The following ZHX2 variants were observed in gnomAD, a reference collection of about 807,000 sequenced individuals.
ZHX2 encodes zinc fingers and homeoboxes protein 2.
ZHX2 carries 6 observed loss-of-function variants against 21.9 expected under a neutral mutation model. The ratio of observed to expected loss-of-function variants is 0.27; its 90% CI spans 0.15 to 0.54. ZHX2 has a LOEUF of 0.54. Ranked by LOEUF, ZHX2 falls within the 20% of genes least tolerant of loss-of-function variation. The pLI, the probability that ZHX2 is intolerant of heterozygous loss-of-function variation, is 0.95. For synonymous variants in ZHX2, 434 were observed against 437.1 expected (o/e 0.99, Z 0.09); for missense variants, 908 against 1,090.7 (o/e 0.83, Z 2.36).
chr8:122,945,290 G>A (rs894379195), intron 2 of ZHX2, among the ~76,000 whole-genome samples: 4 of 152,034 alleles, frequency 2.6e-5, no homozygotes, highest in Non-Finnish European at 4.4e-5. Context: ...GTCTAATTGA[G>A]TTGCATTCCA....
At chr8:122,853,904 CATCT>C (rs1818965148) in intron 1 of ZHX2, among the ~76,000 whole-genome samples, 1 of 152,192 alleles carries the variant, frequency 6.6e-6, no homozygotes, top group Non-Finnish European at 1.5e-5. Context: ...CACCTAAGGG[CATCT>C]GATGACTCTT....
chr8:122,870,350 CCA>C (rs1819400759), intron 2 of ZHX2, among the ~76,000 whole-genome samples: 1 of 151,872 alleles, frequency 6.6e-6, no homozygotes, highest in Non-Finnish European at 1.5e-5. Flanking sequence ...TGAGCTGGTG[CCA>C]GGCACGGTAG....
chr8:122,906,594 C>T (rs185061951), intron 2 of ZHX2, among the ~76,000 whole-genome samples: 1 of 149,900 alleles, frequency 6.7e-6, no homozygotes, highest in Admixed American at 6.7e-5. Flanking sequence ...GCAGTTACTT[C>T]TGGGGATTGG....
intron 2 of ZHX2, among the ~76,000 whole-genome samples, chr8:122,880,034 G>A (rs899698523): frequency 6.8e-6 from 1 of 146,644 alleles, no homozygotes; most frequent in Non-Finnish European, 1.5e-5. Context: ...GTACAGTGGT[G>A]CAATCTCAGC....
At chr8:122,806,642 G>A (rs1563736800) in intron 1 of ZHX2, among the ~76,000 whole-genome samples, 1 of 152,198 alleles carries the variant, frequency 6.6e-6, no homozygotes. Flanking sequence ...CTGAAAGTCC[G>A]ACCTCCCCTA....
intron 1 of ZHX2, among the ~76,000 whole-genome samples, chr8:122,797,867 G>A (rs1369974492): frequency 1.3e-5 from 2 of 152,180 alleles, no homozygotes; most frequent in African/African-American, 2.4e-5. Flanking sequence ...TAATGATACT[G>A]AGCATAACAA....
At chr8:122,967,675 A>C (rs1813616899) in intron 3 of ZHX2, among the ~76,000 whole-genome samples, 1 of 152,252 alleles carries the variant, frequency 6.6e-6, no homozygotes, top group Non-Finnish European at 1.5e-5. Flanking sequence ...ACCTCTGGTT[A>C]GCCAGGATGT....
At chr8:122,857,891 G>T (rs1055408302) in intron 1 of ZHX2, among the ~76,000 whole-genome samples, 1 of 152,364 alleles carries the variant, frequency 6.6e-6, no homozygotes, top group African/African-American at 2.4e-5. Flanking sequence ...ACAGAGCCAT[G>T]TGCTCCGGAA....
At chr8:122,871,016 G>A (rs57219937) in intron 2 of ZHX2, among the ~76,000 whole-genome samples, 6,053 of 152,230 alleles carry the variant, frequency 0.04, 240 homozygotes, top group African/African-American at 0.11. Flanking sequence ...TGCATTTGAT[G>A]AACCGGTGGA....
chr8:122,888,735 G>A (rs1210764083), intron 2 of ZHX2, among the ~76,000 whole-genome samples: 3 of 152,058 alleles, frequency 2.0e-5, no homozygotes, highest in Non-Finnish European at 1.5e-5. Context: ...TGCCCTCCTC[G>A]GCCTCCCAAA....
chr8:122,800,449 G>GT (rs765760084), intron 1 of ZHX2, among the ~76,000 whole-genome samples: 10 of 152,246 alleles, frequency 6.6e-5, no homozygotes, highest in Non-Finnish European at 1.3e-4. Flanking sequence ...CTGGAAGGGA[G>GT]TATCTGTGTC....
At chr8:122,960,177 G>A (rs151101037) in intron 3 of ZHX2, among the ~76,000 whole-genome samples, 4 of 152,208 alleles carry the variant, frequency 2.6e-5, no homozygotes, top group South Asian at 2.1e-4. Flanking sequence ...CTTTGGTGCC[G>A]TTAGAGTATA....
intron 1 of ZHX2, among the ~76,000 whole-genome samples, chr8:122,812,338 G>A (rs994959917): frequency 1.3e-5 from 2 of 152,218 alleles, no homozygotes; most frequent in Non-Finnish European, 2.9e-5. Flanking sequence ...TTCACACCCC[G>A]TAGCAACTCT....
intron 2 of ZHX2, among the ~76,000 whole-genome samples, chr8:122,869,879 G>A (rs903788339): frequency 2.0e-5 from 3 of 152,232 alleles, no homozygotes; most frequent in Non-Finnish European, 4.4e-5. Context: ...ATGACTAAAT[G>A]AGTCTGTGGA....
intron 2 of ZHX2, among the ~76,000 whole-genome samples, chr8:122,905,778 T>C (rs1820332821): frequency 6.6e-6 from 1 of 152,218 alleles, no homozygotes; most frequent in East Asian, 1.9e-4. Flanking sequence ...AGAATTCTTG[T>C]CCTTTGAATT....
intron 2 of ZHX2, among the ~76,000 whole-genome samples, chr8:122,898,371 G>C (rs1287907931): frequency 6.6e-6 from 1 of 152,160 alleles, no homozygotes; most frequent in African/African-American, 2.4e-5. Context: ...GGAAATTGCT[G>C]TTCATCCTGA....
intron 2 of ZHX2, among the ~76,000 whole-genome samples, chr8:122,873,634 G>C (rs1270031525): frequency 6.6e-6 from 1 of 152,178 alleles, no homozygotes; most frequent in Non-Finnish European, 1.5e-5. Context: ...CAATGTATTT[G>C]ATCTAATGGC....
In ZHX2 at chr8:122,952,178, C is replaced by G. The variant is rs371184369; in HGVS notation, c.668C>G (p.Ala223Gly). ...EGTARLVTDT[A>G]EILSRLGGVE... ...ACCGCCCGCCTGGTGACAGACACAG[C>G]TGAGATCCTCTCGAGACTCGGCGGG... The change falls in exon 3 of 4, where the codon GCT becomes GGT. Residue 223 changes from alanine (A) to glycine (G), a missense_variant. Physicochemically the swap from Ala to Gly is moderately conservative, Grantham distance 60 (BLOSUM62 0). This residue lies in a region of ZHX2 where 220 missense variants were observed against 251.4 expected (regional missense o/e 0.88). Transcript: ENST00000314393. The surrounding 1 kb of genome is among the most constrained non-coding windows in gnomAD (Gnocchi z 6.9). The G allele has an allele frequency of 6.2e-7, 1 of 1,613,626 alleles. No individual in the cohort carries two copies. The highest frequency in any genetic ancestry group is 1.7e-5 in the Admixed American group (1 of 59,982).
intron 3 of ZHX2, among the ~76,000 whole-genome samples, chr8:122,965,640 C>T (rs537982747): frequency 6.6e-6 from 1 of 152,164 alleles, no homozygotes; most frequent in South Asian, 2.1e-4. Flanking sequence ...TTGAGTAGAA[C>T]ATTCGGAAAA....
Sources: gnomAD v4.1 joint callset for allele counts (sites outside exome capture counted in the v4.1 genomes callset) on GRCh38, gnomAD v4.1.1 for gene constraint, gnomAD v4.1.1 regional missense constraint, Gnocchi (gnomAD v3.1) non-coding constraint, MANE v1.5 for transcripts, NCBI Gene and HGNC (gene_info 2026-07-23, HGNC 2026-07-21) for gene names.